NAV3: variants seen among roughly 807,000 people sequenced by gnomAD.
NAV3 encodes neuron navigator 3, also known as pore membrane and/or filament interacting like protein 1.
NAV3 carries 87 observed loss-of-function variants against 244.7 expected under a neutral mutation model. The observed-to-expected ratio is 0.36, with a 90% CI of 0.30 to 0.42. NAV3 has a LOEUF of 0.42. NAV3 is among the 20% of genes least tolerant of loss of function. The probability of loss-of-function intolerance (pLI) is 1.00; values close to 1 mark genes in which losing one functional copy is unlikely to be tolerated. For missense variants in NAV3, 2,663 were observed against 2,893.3 expected (o/e 0.92, Z 1.83); for synonymous variants, 1,126 against 1,042.2 (o/e 1.08, Z -1.55).
At position 78,176,460 on chromosome 12, in the gene NAV3, G is replaced by A. The variant is rs371505181; in HGVS notation, c.5124+1G>A. On this transcript the variant is annotated splice_donor_variant, in intron 26 of 39. Coordinates refer to ENST00000397909, the MANE Select transcript of NAV3 (RefSeq NM_001024383.2). LOFTEE classifies it high-confidence loss of function. ...CAAGGTGAACTCTAGAGGAAGTGAG[G>A]TGAATATAAACCGTGGACAATTTGG... The A allele has an allele frequency of 6.2e-7, 1 of 1,612,566 alleles. No individual in the cohort carries two copies.
intron 12 of NAV3, among the ~76,000 whole-genome samples, chr12:78,063,840 G>T (rs1454610807): frequency 1.3e-5 from 2 of 152,114 alleles, no homozygotes; most frequent in Non-Finnish European, 2.9e-5. Flanking sequence ...CCAGTAATGG[G>T]ATTCTGAAGT....
intron 1 of NAV3, among the ~76,000 whole-genome samples, chr12:77,891,264 GAT>G (rs1883904591): frequency 1.4e-5 from 2 of 148,016 alleles, no homozygotes; most frequent in African/African-American, 4.9e-5. Flanking sequence ...CATTTATAAA[GAT>G]AAATTTATAA....
chr12:77,891,720 A>G (rs753652168), intron 1 of NAV3, among the ~76,000 whole-genome samples: 1 of 152,222 alleles, frequency 6.6e-6, no homozygotes, highest in African/African-American at 2.4e-5. Context: ...GGACTTGTAC[A>G]TGACCCCAAA....
chr12:78,119,997 AG>A, intron 15 of NAV3, 52 bp downstream of exon 15: 18 of 1,352,104 alleles, frequency 1.3e-5, no homozygotes, highest in Non-Finnish European at 1.7e-5. Context: ...AATATGTGTT[AG>A]ACACATACAT....
intron 1 of NAV3, among the ~76,000 whole-genome samples, chr12:77,870,640 C>A (rs1231729047): frequency 6.6e-6 from 1 of 151,992 alleles, no homozygotes; most frequent in Non-Finnish European, 1.5e-5. Context: ...GAGAATCTAC[C>A]ACACACTGGG....
intron 2 of NAV3, among the ~76,000 whole-genome samples, chr12:77,765,257 C>T (rs929310067): frequency 6.6e-6 from 1 of 152,212 alleles, no homozygotes; most frequent in African/African-American, 2.4e-5. Flanking sequence ...GTTCTGTTCT[C>T]TATTGCCTCT....
intron 15 of NAV3, 85 bp downstream of exon 15, chr12:78,120,030 A>C: frequency 1.0e-6 from 1 of 989,940 alleles, no homozygotes; most frequent in African/African-American, 1.8e-5. Context: ...GTGTGTATAT[A>C]TATATTTTAA....
At chr12:77,953,101 T>G (rs1401551627) in intron 3 of NAV3, among the ~76,000 whole-genome samples, 1 of 152,150 alleles carries the variant, frequency 6.6e-6, no homozygotes, top group African/African-American at 2.4e-5. Flanking sequence ...CTTTTGCCAA[T>G]TATAGCTTAT....
intron 2 of NAV3, among the ~76,000 whole-genome samples, chr12:77,686,733 C>T (rs192571078): frequency 9.9e-5 from 15 of 152,150 alleles, no homozygotes; most frequent in African/African-American, 3.1e-4. Flanking sequence ...AGTGAAGCCA[C>T]GAGTTTACCT....
chr12:77,686,435 T>C (rs1234985798), intron 2 of NAV3, among the ~76,000 whole-genome samples: 3 of 144,804 alleles, frequency 2.1e-5, no homozygotes, highest in Admixed American at 6.9e-5. Context: ...TTTTTTTTTT[T>C]TTTTTTTTTT....
chr12:77,644,651 G>A (rs1872546276), intron 2 of NAV3, among the ~76,000 whole-genome samples: 1 of 151,870 alleles, frequency 6.6e-6, no homozygotes, highest in Admixed American at 6.6e-5. Context: ...CTGTGTCTTG[G>A]CTTTTCCTGT....
chr12:78,198,610 A>C lies in NAV3; in HGVS notation c.6452A>C (p.Tyr2151Ser). The C allele has an allele frequency of 6.4e-7, 1 of 1,574,508 alleles. No individual in the cohort carries two copies. The highest frequency in any genetic ancestry group is 8.7e-7 in the Non-Finnish European group (1 of 1,152,486). ...TTCTATTTATTTTTTTCTAGTCCAT[A>C]TATTATTGGAACAATGAATCAGGGA... is the stretch of plus-strand genomic sequence containing the variant. ...FLNCKYNKCP[Y>S]IIGTMNQGVS... The change falls in exon 36 of 40, where the codon TAT becomes TCT. Residue 2151 changes from tyrosine (Y) to serine (S), a missense_variant. Around this residue, in one of 6 missense-constraint regions of NAV3, gnomAD observed 543 missense variants for 672.4 expected, o/e 0.81. Coordinates refer to ENST00000397909, the MANE Select transcript of NAV3 (RefSeq NM_001024383.2).
At chr12:78,182,563 A>C (rs1958544015) in intron 30 of NAV3, among the ~76,000 whole-genome samples, 1 of 151,992 alleles carries the variant, frequency 6.6e-6, no homozygotes, top group Non-Finnish European at 1.5e-5. Context: ...ACATATAAAA[A>C]AAACTTAGTA....
chr12:77,740,445 A>AG (rs1452920673), intron 2 of NAV3, among the ~76,000 whole-genome samples: 8 of 152,164 alleles, frequency 5.3e-5, no homozygotes, highest in Non-Finnish European at 1.0e-4. Flanking sequence ...TTTGAAAAAA[A>AG]AAAATCCATA....
At chr12:78,091,420 T>C (rs1356772877) in intron 12 of NAV3, 2 of 152,210 alleles carry the variant, frequency 1.3e-5, no homozygotes, top group African/African-American at 2.4e-5. Context: ...TGAGAAATAT[T>C]CACTACTCCG....
At chr12:78,155,792 A>T (rs1371264490) in intron 22 of NAV3, among the ~76,000 whole-genome samples, 1 of 151,842 alleles carries the variant, frequency 6.6e-6, no homozygotes, top group African/African-American at 2.4e-5. Context: ...TCTTCTTGTA[A>T]GTGTCTATTC....
chr12:78,153,329 A>G (rs1957147648), intron 22 of NAV3, among the ~76,000 whole-genome samples: 1 of 151,920 alleles, frequency 6.6e-6, no homozygotes, highest in African/African-American at 2.4e-5. Flanking sequence ...CCCTTTTGTA[A>G]AGTTGTTCTG....
intron 12 of NAV3, among the ~76,000 whole-genome samples, chr12:78,078,641 C>T (rs1953191108): frequency 6.6e-6 from 1 of 151,954 alleles, no homozygotes; most frequent in African/African-American, 2.4e-5. Flanking sequence ...GTGATCCGCC[C>T]ACCTCGGCCT....
chr12:78,205,070 T>C lies in NAV3; in HGVS notation c.6970T>C (p.Cys2324Arg). The change falls in exon 39 of 40, where the codon TGC becomes CGC. Residue 2324 changes from cysteine (C) to arginine (R), a missense_variant. Transcript: ENST00000397909. ...LRPEDVGYESCTSTKEATTSK... is the reference protein window; with the variant it reads ...LRPEDVGYESRTSTKEATTSK... ...ACCAGAAGATGTTGGGTATGAAAGC[T>C]GCACATCCACTAAGGAAGCCACAAC... 1 of 1,613,530 alleles carries C rather than the reference T, an allele frequency of 6.2e-7. No individual in the cohort carries two copies. Among genetic ancestry groups the C allele is most frequent in the Non-Finnish European group, 8.5e-7 (1 of 1,179,760 alleles).
Sources: allele counts gnomAD v4.1 joint callset (sites outside exome capture counted in the v4.1 genomes callset), GRCh38; gene constraint gnomAD v4.1.1; regional missense constraint gnomAD v4.1.1; transcripts MANE v1.5; gene names NCBI Gene and HGNC (gene_info 2026-07-23, HGNC 2026-07-21).